NCOA3: variants seen among roughly 807,000 people sequenced by gnomAD.
The protein encoded by NCOA3 is nuclear receptor coactivator 3.
Under a neutral mutation model 158.8 loss-of-function variants are expected in NCOA3, and 51 were observed. The ratio of observed to expected loss-of-function variants is 0.32; its 90% CI spans 0.26 to 0.41. The LOEUF (loss-of-function observed/expected upper bound fraction) is 0.41. Among genes scored for constraint, NCOA3 ranks in the 10% least tolerant of loss-of-function variants. The pLI is 1.00. For missense variants in NCOA3, 1,510 were observed against 1,746.6 expected, an observed-to-expected ratio of 0.86 and a Z score of 2.41; for synonymous variants, 537 against 592.4, an observed-to-expected ratio of 0.91 and a Z score of 1.36.
intron 17 of NCOA3, among the ~76,000 whole-genome samples, chr20:47,645,106 C>T (rs1295683933): frequency 6.6e-6 from 1 of 151,968 alleles, no homozygotes; most frequent in Non-Finnish European, 1.5e-5. Flanking sequence ...GCTAGGGAGG[C>T]AAGTGTGGGA....
intron 1 of NCOA3, among the ~76,000 whole-genome samples, chr20:47,506,252 C>G (rs1438921508): frequency 6.6e-6 from 1 of 152,050 alleles, no homozygotes. Flanking sequence ...TTCATTTTGT[C>G]TATCATTTTT....
chr20:47,514,322 A>T (rs1468814940), intron 1 of NCOA3, among the ~76,000 whole-genome samples: 1 of 152,102 alleles, frequency 6.6e-6, no homozygotes, highest in Non-Finnish European at 1.5e-5. Context: ...TCTACATATC[A>T]CAACAGTCTC....
At chr20:47,508,863 G>T (rs989755959) in intron 1 of NCOA3, among the ~76,000 whole-genome samples, 1 of 152,156 alleles carries the variant, frequency 6.6e-6, no homozygotes, top group Non-Finnish European at 1.5e-5. Flanking sequence ...TAATTTGTAA[G>T]CATGTGCTAT....
Sources: allele counts gnomAD v4.1 joint callset (sites outside exome capture counted in the v4.1 genomes callset), GRCh38; gene constraint gnomAD v4.1.1; transcripts MANE v1.5; gene names NCBI Gene and HGNC (gene_info 2026-07-23, HGNC 2026-07-21).